COMTD1: variants seen among roughly 807,000 people sequenced by gnomAD.
The protein encoded by COMTD1 is catechol O-methyltransferase domain-containing protein 1.
In COMTD1, 35 loss-of-function variants were observed where a neutral mutation model predicts 33.6. The ratio of observed to expected loss-of-function variants is 1.04; its 90% confidence interval spans 0.80 to 1.38. COMTD1 has a LOEUF of 1.38. Ranked by LOEUF, COMTD1 falls within the 40% of genes most tolerant of loss-of-function variation. The pLI, the probability that COMTD1 is intolerant of heterozygous loss-of-function variation, is 0.00. For synonymous variants in COMTD1, 160 were observed against 176.8 expected, an observed-to-expected ratio of 0.91 and a Z score of 0.75; for missense variants, 370 against 363.4, an observed-to-expected ratio of 1.02 and a Z score of -0.15.
In COMTD1 at chr10:75,234,195, G is replaced by T. The variant is rs764335485; in HGVS notation, c.667C>A (p.Pro223Thr). 5.0e-6 allele frequency: 8 copies of T among 1,613,064 alleles called. No homozygotes were observed. Among genetic ancestry groups the T allele is most frequent in the Admixed American group, 1.7e-5 (1 of 60,006 alleles). Residue 223 changes from proline to threonine, a missense_variant, in exon 7 of 7, where the codon CCG becomes ACG. By Grantham distance (38) the Pro-to-Thr change is conservative. Transcript: ENST00000372538. Reference protein sequence around the residue: ...VLWRGKVLQPPKGDVAAECVR... With the variant: ...VLWRGKVLQPTKGDVAAECVR... ...CACTCGGCCGCCACGTCCCCTTTCGGAGGTTGCAGCACCTTCCCGCGCCAC... is the reference window on the plus strand; with the variant it reads ...CACTCGGCCGCCACGTCCCCTTTCGTAGGTTGCAGCACCTTCCCGCGCCAC...
rs1224310537 is a variant in COMTD1, at chr10:75,233,915, T to C, written c.*158A>G. 4 of 1,487,396 alleles carry C rather than the reference T, an allele frequency of 2.7e-6. No homozygotes were observed. The African/African-American group carries it at 5.6e-5, about 21-fold the overall frequency. 92.1% of individuals were successfully genotyped at this position (1,487,396 alleles called of 1,614,324 possible). ...CCTTTCACTGAAGGCAGGAGCTGTCTGTGCTGGGCCTTCCCTCCCTTCCCC... is the reference window on the plus strand; with the variant it reads ...CCTTTCACTGAAGGCAGGAGCTGTCCGTGCTGGGCCTTCCCTCCCTTCCCC... On this transcript the variant is annotated 3_prime_UTR_variant, in exon 7 of 7. Coordinates refer to ENST00000372538, the MANE Select transcript of COMTD1 (RefSeq NM_144589.4).
In COMTD1 at chr10:75,235,117, C is replaced by T; in HGVS notation, c.390G>A (p.Val130=). Residue 130 remains valine (V), a synonymous_variant, in exon 4 of 7, where the codon GTG becomes GTA. Coordinates refer to ENST00000372538, the MANE Select transcript of COMTD1 (RefSeq NM_144589.4). The part of the protein sequence containing the change: ...LALALPADGR[V]VTCEVDAQPP... Reference sequence around the variant, plus strand: ...GCTGCGCGTCCACCTCGCAGGTCACCACGCGCCCGTCCGCGGGCAGCGCCA... The same window carrying T: ...GCTGCGCGTCCACCTCGCAGGTCACTACGCGCCCGTCCGCGGGCAGCGCCA... 3.6e-6 allele frequency: 5 copies of T among 1,404,370 alleles called. No individual in the cohort carries two copies. Among genetic ancestry groups the T allele is most frequent in the Non-Finnish European group, 4.6e-6 (5 of 1,086,036 alleles). The allele number at this position is 1,404,370 out of a possible 1,614,324, so 87.0% of individuals were successfully genotyped here.
chr10:75,233,899 G>C lies in COMTD1; in HGVS notation c.*174C>G. The C allele has an allele frequency of 6.9e-7, 1 of 1,446,366 alleles. No homozygotes were observed. The highest frequency in any genetic ancestry group is 1.4e-5 in the South Asian group (1 of 70,428). The allele number at this position is 1,446,366 out of a possible 1,614,324, so 89.6% of individuals were successfully genotyped here. ...GACGAATCTCAAGGCCCCTTTCACT[G>C]AAGGCAGGAGCTGTCTGTGCTGGGC... On this transcript the variant is annotated 3_prime_UTR_variant, in exon 7 of 7. Transcript: ENST00000372538.
Position 75,233,997 on chromosome 10 carries a change from T to G in COMTD1, c.*76A>C. The G allele has an allele frequency of 6.2e-7, 1 of 1,610,120 alleles. No homozygotes were observed. Among genetic ancestry groups the G allele is most frequent in the South Asian group, 1.1e-5 (1 of 90,992 alleles). ...CGTGTGTCCCAGCCCCACTTTATTT[T>G]CGAATTTAAAACTCAGGGTCAATTC... is the stretch of plus-strand genomic sequence containing the variant. On this transcript the variant is annotated 3_prime_UTR_variant, in exon 7 of 7. Coordinates refer to ENST00000372538, the MANE Select transcript of COMTD1 (RefSeq NM_144589.4).
At chr10:75,234,299 GA>G in intron 6 of COMTD1, 74 bp from the exon 7 acceptor site, 1 of 1,459,112 alleles carries the variant, frequency 6.9e-7, no homozygotes, top group South Asian at 1.3e-5. Context: ...GAAGGCGGGG[GA>G]CTGGGAGGGA....
At chr10:75,235,796 C>CGGGGGGG in intron 1 of COMTD1, 39 bp downstream of exon 1, 2 of 1,539,872 alleles carry the variant, frequency 1.3e-6, no homozygotes, top group Non-Finnish European at 1.7e-6. Context: ...CCCTACTCTG[C>CGGGGGGG]GCCCGCCCAC....
rs1842150755 is a variant in COMTD1, at chr10:75,234,174, C to T, written c.688G>A (p.Glu230Lys). 1.2e-6 allele frequency: 2 copies of T among 1,613,600 alleles called. No individual in the cohort carries two copies. Among genetic ancestry groups the T allele is most frequent in the Non-Finnish European group, 8.5e-7 (1 of 1,180,034 alleles). ...CGTTCGTTTAGGTTTCGCACACACT[C>T]GGCCGCCACGTCCCCTTTCGGAGGT... The part of the protein sequence containing the change: ...LQPPKGDVAA[E>K]CVRNLNERIR... Residue 230 changes from glutamate (E) to lysine (K), a missense_variant, in exon 7 of 7, where the codon GAG becomes AAG. By Grantham distance (56) the Glu-to-Lys change is moderately conservative. Transcript: ENST00000372538.
rs1842162585 is a variant in COMTD1, at chr10:75,234,677, TTC to T, written c.567_568del (p.Asn190LeufsTer110). ...GCAGCGCTCGTAGTAGGCGGAGCAGTTCTCCTTGTCCGCATCCACCACGGCCA... is the reference window on the plus strand; with the variant it reads ...GCAGCGCTCGTAGTAGGCGGAGCAGTTCCTTGTCCGCATCCACCACGGCCA... On this transcript the variant is annotated frameshift_variant, in exon 6 of 7. Transcript: ENST00000372538. LOFTEE classifies it high-confidence loss of function. 6.3e-7 allele frequency: 1 copy of T among 1,585,682 alleles called. No homozygotes were observed. The highest frequency in any genetic ancestry group is 1.4e-5 in the African/African-American group (1 of 73,964).
At chr10:75,235,214 G>C (rs1278293209) in intron 3 of COMTD1, 36 bp from the exon 4 acceptor site, 17 of 1,463,680 alleles carry the variant, frequency 1.2e-5, no homozygotes, top group Non-Finnish European at 1.5e-5. Context: ...AGCCCAGAGT[G>C]GGGGTCGGCC....
chr10:75,233,656 T>TTGA lies in COMTD1; in HGVS notation c.*416_*417insTCA, dbSNP rs1842144314. On this transcript the variant is annotated 3_prime_UTR_variant, in exon 7 of 7. Coordinates refer to ENST00000372538, the MANE Select transcript of COMTD1 (RefSeq NM_144589.4). ...ACACCCGTGGTCCCCTGCAATCCTC[T>TTGA]TTCATGTTGTCAGACACCAGACGTG... Among the ~76,000 whole-genome samples, 1 of 152,222 alleles carries TTGA rather than the reference T, an allele frequency of 6.6e-6. No individual in the cohort carries two copies. Among genetic ancestry groups the TTGA allele is most frequent in the Non-Finnish European group, 1.5e-5 (1 of 68,030 alleles).
intron 6 of COMTD1, 79 bp from the exon 7 acceptor site, chr10:75,234,304 G>A (rs1842153949): frequency 1.4e-6 from 2 of 1,449,270 alleles, no homozygotes; most frequent in Admixed American, 2.0e-5. Context: ...CGGGGGACTG[G>A]GAGGGAGGTG....
At chr10:75,234,406 G>A in intron 6 of COMTD1, 181 bp from the exon 7 acceptor site, 4 of 1,032,548 alleles carry the variant, frequency 3.9e-6, no homozygotes, top group Non-Finnish European at 5.5e-6. Context: ...GGGCCTCGGA[G>A]GGAGGTGCCC....
rs1221067447 is a variant in COMTD1, at chr10:75,235,636, C to T, written c.202G>A (p.Ala68Thr). The change falls in exon 2 of 7, where the codon GCG becomes ACG. Residue 68 changes from alanine to threonine, a missense_variant. Physicochemically the swap from Ala to Thr is moderately conservative, Grantham distance 58. Transcript: ENST00000372538. Reference sequence around the variant, plus strand: ...CTGACCAGCCTCAGGCTTCGCAGCGCCGGGTGCTCCCGCATGGAGCGGCTC... The same window carrying T: ...CTGACCAGCCTCAGGCTTCGCAGCGTCGGGTGCTCCCGCATGGAGCGGCTC... ...LLSRSMREHP[A>T]LRSLRLLTLE... 6.3e-7 allele frequency: 1 copy of T among 1,593,798 alleles called. No homozygotes were observed. Among genetic ancestry groups the T allele is most frequent in the Non-Finnish European group, 8.5e-7 (1 of 1,172,158 alleles).
rs1362226254 is a variant in COMTD1, at chr10:75,233,912, G to A, written c.*161C>T. 2.7e-6 allele frequency: 4 copies of A among 1,482,600 alleles called. No individual in the cohort carries two copies. Among genetic ancestry groups the A allele is most frequent in the Non-Finnish European group, 2.7e-6 (3 of 1,119,340 alleles). 91.8% of individuals were successfully genotyped at this position (1,482,600 alleles called of 1,614,324 possible). ...GCCCCTTTCACTGAAGGCAGGAGCT[G>A]TCTGTGCTGGGCCTTCCCTCCCTTC... On this transcript the variant is annotated 3_prime_UTR_variant, in exon 7 of 7. Transcript: ENST00000372538.
At position 75,235,110 on chromosome 10, in the gene COMTD1, A is replaced by G; in HGVS notation, c.397T>C (p.Cys133Arg). 1 of 1,406,888 alleles carries G rather than the reference A, an allele frequency of 7.1e-7. No homozygotes were observed. The highest frequency in any genetic ancestry group is 9.2e-7 in the Non-Finnish European group (1 of 1,087,234). 87.2% of individuals were successfully genotyped at this position (1,406,888 alleles called of 1,614,324 possible). ...ALPADGRVVT[C>R]EVDAQPPELG... ...TCCGGGGGCTGCGCGTCCACCTCGC[A>G]GGTCACCACGCGCCCGTCCGCGGGC... The change falls in exon 4 of 7, where the codon TGC becomes CGC. Residue 133 changes from cysteine to arginine, a missense_variant. Cys to Arg is a radical substitution (Grantham distance 180). Transcript: ENST00000372538.
Position 75,235,186 on chromosome 10 carries a change from C to G in COMTD1, c.329-8G>C, listed in dbSNP as rs1394553992. 7.0e-7 allele frequency: 1 copy of G among 1,419,928 alleles called. No homozygotes were observed. The highest frequency in any genetic ancestry group is 9.2e-7 in the Non-Finnish European group (1 of 1,092,036). 88.0% of individuals were successfully genotyped at this position (1,419,928 alleles called of 1,614,324 possible). A position where few individuals can be genotyped will look rare whatever the true frequency, so the allele number is the denominator to read the frequency against. On this transcript the variant is annotated splice_region_variant and splice_polypyrimidine_tract_variant and intron_variant, in intron 3 of 6. Transcript: ENST00000372538. ...AGTAGCCCGTGAAGGTGCCTGGGAC[C>G]AGGACACAGACGGGCTCAGCCCAGA...
chr10:75,234,591 C>T lies in COMTD1; in HGVS notation c.636+19G>A, dbSNP rs1350080658. ...GGCCCGACAGGGTGCTTTCTCCTCC[C>T]CCGCAGTGGATCCCTTACTCTGAGG... On this transcript the variant is annotated intron_variant, in intron 6 of 6. Coordinates refer to ENST00000372538, the MANE Select transcript of COMTD1 (RefSeq NM_144589.4). 1.9e-6 allele frequency: 3 copies of T among 1,547,950 alleles called. No homozygotes were observed. Among genetic ancestry groups the T allele is most frequent in the Non-Finnish European group, 2.6e-6 (3 of 1,146,370 alleles).
Position 75,233,988 on chromosome 10 carries a change from A to G in COMTD1, c.*85T>C, listed in dbSNP as rs1240696907. ...TCAGGAGGTCGTGTGTCCCAGCCCC[A>G]CTTTATTTTCGAATTTAAAACTCAG... On this transcript the variant is annotated 3_prime_UTR_variant, in exon 7 of 7. Coordinates refer to ENST00000372538, the MANE Select transcript of COMTD1 (RefSeq NM_144589.4). 6.2e-7 allele frequency: 1 copy of G among 1,607,208 alleles called. No individual in the cohort carries two copies. Among genetic ancestry groups the G allele is most frequent in the African/African-American group, 1.3e-5 (1 of 74,800 alleles).
Position 75,234,193 on chromosome 10 carries a change from C to G in COMTD1, c.669G>C (p.Pro223=), listed in dbSNP as rs372269148. The G allele has an allele frequency of 2.5e-6, 4 of 1,613,146 alleles. No individual in the cohort carries two copies. Among genetic ancestry groups the G allele is most frequent in the African/African-American group, 1.3e-5 (1 of 74,946 alleles). Residue 223 remains proline (P), a synonymous_variant, in exon 7 of 7, where the codon CCG becomes CCC. Transcript: ENST00000372538. Reference sequence around the variant, plus strand: ...CACACTCGGCCGCCACGTCCCCTTTCGGAGGTTGCAGCACCTTCCCGCGCC... The same window carrying G: ...CACACTCGGCCGCCACGTCCCCTTTGGGAGGTTGCAGCACCTTCCCGCGCC... ...VLWRGKVLQP[P]KGDVAAECVR... is the part of the protein sequence containing the mutation.
Sources: gnomAD v4.1 joint callset for allele counts (sites outside exome capture counted in the v4.1 genomes callset) on GRCh38, gnomAD v4.1.1 for gene constraint, MANE v1.5 for transcripts, NCBI Gene and HGNC (gene_info 2026-07-23, HGNC 2026-07-21) for gene names.